Variants in NUDCD1 observed in about 807,000 individuals in gnomAD.
NUDCD1 encodes the protein NudC domain containing 1.
NUDCD1 carries 60 observed loss-of-function variants against 67.8 expected under a neutral mutation model. That is an observed-to-expected ratio of 0.88 (90% CI 0.72 to 1.10). The LOEUF is 1.10. NUDCD1 is among the 50% of genes least tolerant of loss of function. NUDCD1 has a pLI of 0.00. For synonymous variants in NUDCD1, 244 were observed against 230.8 expected (o/e 1.06, Z -0.52); for missense variants, 643 against 695.0 (o/e 0.93, Z 0.84).
At chr8:109,264,842 TTCC>T (rs1813955606) in intron 8 of NUDCD1, among the ~76,000 whole-genome samples, 3 of 151,622 alleles carry the variant, frequency 2.0e-5, no homozygotes, top group Non-Finnish European at 4.4e-5. Flanking sequence ...AACAATGACA[TTCC>T]TCCTACTTTT....
At chr8:109,331,509 C>CAAA (rs1815805745) in intron 1 of NUDCD1, among the ~76,000 whole-genome samples, 1 of 108,536 alleles carries the variant, frequency 9.2e-6, no homozygotes, top group Non-Finnish European at 1.7e-5. Context: ...GAGCAAGACT[C>CAAA]AGACTCAAAA....
At chr8:109,262,970 G>A (rs988310229) in intron 8 of NUDCD1, among the ~76,000 whole-genome samples, 2 of 140,678 alleles carry the variant, frequency 1.4e-5, no homozygotes, top group South Asian at 2.3e-4. Context: ...CAGGAGAATC[G>A]CTTGAACCTG....
At chr8:109,276,477 A>G (rs556590725) in intron 6 of NUDCD1, among the ~76,000 whole-genome samples, 18 of 152,354 alleles carry the variant, frequency 1.2e-4, no homozygotes, top group African/African-American at 4.3e-4. Flanking sequence ...ATAGTTATCA[A>G]ATAGGACACG....
At chr8:109,281,509 C>T (rs892568576) in intron 5 of NUDCD1, among the ~76,000 whole-genome samples, 2 of 152,134 alleles carry the variant, frequency 1.3e-5, no homozygotes, top group Non-Finnish European at 2.9e-5. Context: ...CACACACACA[C>T]AGAGTGAATC....
intron 8 of NUDCD1, 84 bp downstream of exon 8, chr8:109,270,921 G>T (rs1201079006): frequency 4.7e-6 from 4 of 857,238 alleles, no homozygotes; most frequent in Non-Finnish European, 7.1e-6. Context: ...TGCTAATCAA[G>T]TATCTTTGAA....
chr8:109,316,876 T>C (rs1815412016), intron 2 of NUDCD1, among the ~76,000 whole-genome samples: 1 of 152,132 alleles, frequency 6.6e-6, no homozygotes, highest in South Asian at 2.1e-4. Context: ...GATCAATTAC[T>C]CCACAATTAT....
At chr8:109,266,085 C>T (rs2129931832) in intron 8 of NUDCD1, among the ~76,000 whole-genome samples, 1 of 150,854 alleles carries the variant, frequency 6.6e-6, no homozygotes, top group East Asian at 1.9e-4. Flanking sequence ...ATGGGAGCCA[C>T]ATACATAATT....
intron 2 of NUDCD1, among the ~76,000 whole-genome samples, chr8:109,318,176 C>G (rs370421064): frequency 1.3e-5 from 2 of 152,138 alleles, no homozygotes; most frequent in African/African-American, 2.4e-5. Context: ...ACCTCCCTAA[C>G]AACACGTATT....
At chr8:109,274,341 T>C (rs963276744) in intron 7 of NUDCD1, among the ~76,000 whole-genome samples, 1 of 152,192 alleles carries the variant, frequency 6.6e-6, no homozygotes, top group Non-Finnish European at 1.5e-5. Flanking sequence ...TAACATTCAA[T>C]TGAAACCATT....
At chr8:109,258,138 T>C (rs1813781053) in intron 8 of NUDCD1, among the ~76,000 whole-genome samples, 1 of 152,164 alleles carries the variant, frequency 6.6e-6, no homozygotes, top group South Asian at 2.1e-4. Flanking sequence ...ATTAGTTTAC[T>C]TCATGTTTAT....
At chr8:109,275,855 C>T (rs999403851) in intron 6 of NUDCD1, among the ~76,000 whole-genome samples, 18 of 151,814 alleles carry the variant, frequency 1.2e-4, no homozygotes, top group African/African-American at 4.4e-4. Context: ...GGGGAATGGT[C>T]GGGGGTGTGG....
intron 5 of NUDCD1, among the ~76,000 whole-genome samples, chr8:109,283,819 C>A (rs1205339253): frequency 6.6e-6 from 1 of 152,006 alleles, no homozygotes; most frequent in Middle Eastern, 3.2e-3. Flanking sequence ...TCTGCTACCA[C>A]AAAAACACAA....
At chr8:109,251,987 G>A (rs1270428125) in intron 8 of NUDCD1, among the ~76,000 whole-genome samples, 4 of 152,042 alleles carry the variant, frequency 2.6e-5, no homozygotes, top group Non-Finnish European at 5.9e-5. Context: ...TTCCTTTTGA[G>A]TTCCACTATA....
chr8:109,286,503 T>G (rs1470391185), intron 5 of NUDCD1, among the ~76,000 whole-genome samples: 1 of 151,946 alleles, frequency 6.6e-6, no homozygotes, highest in Non-Finnish European at 1.5e-5. Flanking sequence ...CAATCTTTGA[T>G]AAAGGCAGCA....
chr8:109,252,383 G>A (rs886506772), intron 8 of NUDCD1, among the ~76,000 whole-genome samples: 1 of 151,942 alleles, frequency 6.6e-6, no homozygotes, highest in African/African-American at 2.4e-5. Context: ...GCTGCAATGG[G>A]TCTTCTTCTG....
chr8:109,300,360 A>G (rs964907119), intron 2 of NUDCD1, among the ~76,000 whole-genome samples: 9 of 152,162 alleles, frequency 5.9e-5, no homozygotes, highest in African/African-American at 1.4e-4. Flanking sequence ...AAATGATACA[A>G]GAAGTGAAAG....
chr8:109,304,458 C>T (rs1407807115), intron 2 of NUDCD1, among the ~76,000 whole-genome samples: 2 of 152,148 alleles, frequency 1.3e-5, no homozygotes, highest in Non-Finnish European at 2.9e-5. Flanking sequence ...TAGTATCTTC[C>T]ACGTCTATCC....
At chr8:109,245,285 T>C (rs374909518) in intron 9 of NUDCD1, 37 bp downstream of exon 9, 35 of 1,577,316 alleles carry the variant, frequency 2.2e-5, no homozygotes, top group Admixed American at 1.6e-4. Context: ...ACTGTATTTC[T>C]GATTTCATGG....
chr8:109,269,933 A>C (rs1814098190), intron 8 of NUDCD1, among the ~76,000 whole-genome samples: 1 of 119,146 alleles, frequency 8.4e-6, no homozygotes, highest in Admixed American at 9.4e-5. Context: ...AATATCTAAT[A>C]AGGTTCTAAA....
Sources: gnomAD v4.1 joint callset for allele counts (sites outside exome capture counted in the v4.1 genomes callset) on GRCh38, gnomAD v4.1.1 for gene constraint, MANE v1.5 for transcripts, NCBI Gene and HGNC (gene_info 2026-07-23, HGNC 2026-07-21) for gene names.